The following KCTD2 variants were observed in gnomAD, a reference collection of about 807,000 sequenced individuals.
KCTD2 encodes BTB/POZ domain-containing protein KCTD2.
Under a neutral mutation model 27.9 loss-of-function variants are expected in KCTD2, and 18 were observed. The observed-to-expected ratio is 0.64, with a 90% confidence interval of 0.45 to 0.96. The LOEUF is 0.96. KCTD2 is among the 40% of genes least tolerant of loss of function. The pLI is 0.00. For missense variants in KCTD2, 280 were observed against 348.0 expected, an observed-to-expected ratio of 0.80 and a Z score of 1.56; for synonymous variants, 175 against 148.4, an observed-to-expected ratio of 1.18 and a Z score of -1.30.
intron 3 of KCTD2, among the ~76,000 whole-genome samples, chr17:75,038,000 G>C (rs1373309341): frequency 6.6e-6 from 1 of 151,814 alleles, no homozygotes; most frequent in Admixed American, 6.6e-5. Context: ...AGTGAGCCGA[G>C]ATCGTCCCAC....
chr17:75,057,115 G>A (rs942260228), intron 3 of KCTD2, among the ~76,000 whole-genome samples: 1 of 151,638 alleles, frequency 6.6e-6, no homozygotes, highest in Non-Finnish European at 1.5e-5. Context: ...CACCACGCCC[G>A]GCTAATTTTT....
intron 3 of KCTD2, among the ~76,000 whole-genome samples, chr17:75,055,253 C>T (rs1033493479): frequency 6.6e-6 from 1 of 151,756 alleles, no homozygotes; most frequent in East Asian, 2.0e-4. Context: ...TGGTGTTTCG[C>T]CATATTGACC....
In KCTD2 at chr17:75,047,226, G is replaced by A; in HGVS notation, c.-25G>A. 1.3e-6 allele frequency: 1 copy of A among 742,458 alleles called. No homozygotes were observed. Among genetic ancestry groups the A allele is most frequent in the Non-Finnish European group, 1.8e-6 (1 of 565,572 alleles). The allele number at this position is 742,458 out of a possible 1,614,324, so 46.0% of individuals were successfully genotyped here. A position where few individuals can be genotyped will look rare whatever the true frequency, so the allele number is the denominator to read the frequency against. ...GGGCCGGCCCGGCTGCGCGCGGGCA[G>A]CAGCGGTGGCGGCGGCGGTCCAAGA... On this transcript the variant is annotated 5_prime_UTR_variant, in exon 1 of 6. Coordinates refer to ENST00000322444, the MANE Select transcript of KCTD2 (RefSeq NM_015353.3).
upstream of KCTD2, chr17:75,042,415 G>T: frequency 1.3e-6 from 2 of 1,514,546 alleles, no homozygotes; most frequent in Middle Eastern, 1.8e-4. Flanking sequence ...AAAATGCAAG[G>T]ATTTCTTTAT....
rs189335010 is a variant in KCTD2 at position 75,052,747 on chromosome 17, A to C, written c.449-267A>C. 4.3e-3 allele frequency among the ~76,000 whole-genome samples: 662 copies of C among 152,186 alleles called. 4 individuals carry two copies. The highest frequency in any genetic ancestry group is 6.0e-3 in the Non-Finnish European group (409 of 68,000). On this transcript the variant is annotated intron_variant, in intron 2 of 5. Coordinates refer to ENST00000322444, the MANE Select transcript of KCTD2 (RefSeq NM_015353.3). The stretch of plus-strand genomic sequence containing the variant: ...TCGGGCGGGGGGAAAAAATAGAAAC[A>C]GCCGGGTGTGGTGGTATGTGCCTGT...
chr17:75,049,476 C>T, intron 2 of KCTD2, 148 bp downstream of exon 2: 1 of 562,046 alleles, frequency 1.8e-6, no homozygotes, highest in Non-Finnish European at 3.2e-6. Flanking sequence ...AACTACCAGT[C>T]TTGTCTGAGG....
intron 3 of KCTD2, among the ~76,000 whole-genome samples, chr17:75,055,904 G>A (rs539941994): frequency 5.9e-5 from 9 of 151,930 alleles, no homozygotes; most frequent in South Asian, 4.2e-4. Context: ...GGTAGCGGGC[G>A]CCTATAATCC....
intron 3 of KCTD2, 176 bp from the exon 4 acceptor site, chr17:75,059,334 A>AG: frequency 7.3e-6 from 3 of 413,206 alleles, no homozygotes; most frequent in Non-Finnish European, 1.3e-5. Flanking sequence ...TTTAAAGAGA[A>AG]GGGAAAAAAA....
At chr17:75,046,716 G>A (rs971746212), upstream of KCTD2, among the ~76,000 whole-genome samples, 6 of 152,210 alleles carry the variant, frequency 3.9e-5, no homozygotes, top group Admixed American at 1.3e-4. Context: ...GGACACAGCC[G>A]GGCCCCCCTG....
chr17:75,051,609 A>G (rs2073288065), intron 2 of KCTD2, among the ~76,000 whole-genome samples: 1 of 148,748 alleles, frequency 6.7e-6, no homozygotes, highest in African/African-American at 2.5e-5. Context: ...TCATATTTGC[A>G]TTGTCCTTCA....
At chr17:75,052,066 C>G (rs542883130) in intron 2 of KCTD2, among the ~76,000 whole-genome samples, 2 of 151,962 alleles carry the variant, frequency 1.3e-5, no homozygotes, top group Non-Finnish European at 1.5e-5. Flanking sequence ...ATATCAAGTT[C>G]AGGAGGTGTC....
rs1219218189 is a variant in KCTD2 at position 75,047,233 on chromosome 17, TGGC to T, written c.-9_-7del. On this transcript the variant is annotated 5_prime_UTR_variant, in exon 1 of 6. Transcript: ENST00000322444. ...CCCGGCTGCGCGCGGGCAGCAGCGGTGGCGGCGGCGGTCCAAGATGGCGGAACT... is the reference window on the plus strand; with the variant it reads ...CCCGGCTGCGCGCGGGCAGCAGCGGTGGCGGCGGTCCAAGATGGCGGAACT... 1.2e-5 allele frequency: 8 copies of T among 662,268 alleles called. No individual in the cohort carries two copies. The highest frequency in any genetic ancestry group is 1.3e-5 in the Non-Finnish European group (7 of 525,224). 41.0% of individuals were successfully genotyped at this position (662,268 alleles called of 1,614,324 possible). A position where few individuals can be genotyped will look rare whatever the true frequency, so the allele number is the denominator to read the frequency against.
At position 75,039,117 on chromosome 17, in the gene KCTD2, T is replaced by A. The variant is rs537833800; in HGVS notation, c.-259+3760T>A. On this transcript the variant is annotated intron_variant, in intron 3 of 7. Transcript: ENST00000581589. ...ATGTAAACAGAGACGGAAAGCAGAA[T>A]ATCCAAGGCAGGTTCCTGCCACCAG... 5.6e-6 allele frequency: 9 copies of A among 1,611,562 alleles called. No individual in the cohort carries two copies. The Admixed American group carries it at 1.5e-4, about 27-fold the overall frequency.
At chr17:75,040,034 A>C in intron 3 of KCTD2, 1 of 1,575,288 alleles carries the variant, frequency 6.3e-7, no homozygotes, top group South Asian at 1.1e-5. Flanking sequence ...CTTAGCTATA[A>C]TAGAGAGCTG....
chr17:75,043,123 A>C (rs1323167297), upstream of KCTD2, among the ~76,000 whole-genome samples: 1 of 151,506 alleles, frequency 6.6e-6, no homozygotes, highest in Non-Finnish European at 1.5e-5. Flanking sequence ...CCAGAGGCTG[A>C]GGCATAAGAA....
In KCTD2 at chr17:75,049,275, T is replaced by G; in HGVS notation, c.395T>G (p.Leu132Arg). Residue 132 changes from leucine (L) to arginine (R), a missense_variant, in exon 2 of 6, where the codon CTC becomes CGC. Transcript: ENST00000322444. ...GACCCCACCTACTTTGGTCCTATCC[T>G]CAACTACCTCCGCCACGGGAAACTC... ...DRDPTYFGPI[L>R]NYLRHGKLII... 1 of 1,613,958 alleles carries G rather than the reference T, an allele frequency of 6.2e-7. No homozygotes were observed. Among genetic ancestry groups the G allele is most frequent in the Non-Finnish European group, 8.5e-7 (1 of 1,179,844 alleles).
intron 4 of KCTD2, among the ~76,000 whole-genome samples, chr17:75,061,013 C>T (rs146909817): frequency 6.6e-6 from 1 of 152,202 alleles, no homozygotes; most frequent in Non-Finnish European, 1.5e-5. Context: ...TAATGCCCTC[C>T]ACTCCAGAAG....
chr17:75,051,580 G>A (rs985726865), intron 2 of KCTD2, among the ~76,000 whole-genome samples: 5 of 148,124 alleles, frequency 3.4e-5, no homozygotes, highest in East Asian at 1.9e-4. Flanking sequence ...CACCATGCCC[G>A]ACCTTTTTTT....
intron 3 of KCTD2, chr17:75,038,774 CCATTTAAA>C (rs1344632684): frequency 2.5e-5 from 21 of 829,104 alleles, no homozygotes; most frequent in African/African-American, 7.0e-5. Flanking sequence ...GCTCACCTTT[CCATTTAAA>C]CAAAAACCCC....
Sources: gnomAD v4.1 joint callset for allele counts (sites outside exome capture counted in the v4.1 genomes callset) on GRCh38, gnomAD v4.1.1 for gene constraint, MANE v1.5 for transcripts, NCBI Gene and HGNC (gene_info 2026-07-23, HGNC 2026-07-21) for gene names.